Variants in MEGF11 observed in about 807,000 individuals in gnomAD.
MEGF11 encodes the protein multiple EGF like domains 11.
In MEGF11, 126 loss-of-function variants were observed where a neutral mutation model predicts 146.6. The observed-to-expected ratio is 0.86, with a 90% CI of 0.74 to 1.00. The LOEUF is 1.00. Ranked by LOEUF, MEGF11 falls within the 50% of genes least tolerant of loss-of-function variation. The pLI, the probability that MEGF11 is intolerant of heterozygous loss-of-function variation, is 0.00. For missense variants in MEGF11, 1,509 were observed against 1,521.2 expected (o/e 0.99, Z 0.13); for synonymous variants, 532 against 583.4 (o/e 0.91, Z 1.27).
chr15:65,982,447 A>G lies in MEGF11; in HGVS notation c.436T>C (p.Cys146Arg). ...DHWGPHCSNR[C>R]QCQNGALCNP... ...CACAGGGCGCCGTTCTGGCACTGGC[A>G]CCGGTTGCTGCAGTGGGGCCCCCAG... is the stretch of plus-strand genomic sequence containing the variant. The change falls in exon 6 of 26, where the codon TGC (cysteine) becomes CGC (arginine). Residue 146 changes from cysteine (C) to arginine (R), a missense_variant. By Grantham distance (180) the Cys-to-Arg change is radical. Coordinates refer to ENST00000395614, the MANE Select transcript of MEGF11 (RefSeq NM_001385028.1). This position sits in a 1 kb window ranked among gnomAD's most constrained non-coding sequence, Gnocchi z 5.6. The G allele has an allele frequency of 6.7e-7, 1 of 1,493,642 alleles. No homozygotes were observed. The highest frequency in any genetic ancestry group is 8.9e-7 in the Non-Finnish European group (1 of 1,119,714). The allele number at this position is 1,493,642 out of a possible 1,614,324, so 92.5% of individuals were successfully genotyped here.
At chr15:65,973,054 T>G (rs2081344203) in intron 7 of MEGF11, among the ~76,000 whole-genome samples, 1 of 149,148 alleles carries the variant, frequency 6.7e-6, no homozygotes, top group African/African-American at 2.5e-5. Context: ...GAGGTGGAGG[T>G]TGCAGTGAGC....
At chr15:66,224,825 G>C (rs1188857257) in intron 1 of MEGF11, among the ~76,000 whole-genome samples, 1 of 150,976 alleles carries the variant, frequency 6.6e-6, no homozygotes, top group East Asian at 1.9e-4. Flanking sequence ...TCCCCAGATG[G>C]GGGAGTGAAT....
intron 13 of MEGF11, 88 bp downstream of exon 13, chr15:65,928,337 T>G: frequency 2.7e-6 from 2 of 737,952 alleles, no homozygotes; most frequent in Admixed American, 2.6e-5. Flanking sequence ...AGAAGAGAGG[T>G]ATTGAAGAAG....
In MEGF11 at chr15:66,053,054, GGATGGATA is replaced by G. The variant is rs1310673819; in HGVS notation, c.394+41340_394+41347del. Among the ~76,000 whole-genome samples the G allele has an allele frequency of 7.2e-5, 11 of 152,284 alleles. No individual in the cohort carries two copies. The South Asian group carries it at 1.0e-3, about 14-fold the overall frequency. ...TGAATGGACAAGTGGACAGGTACAT[GGATGGATA>G]GATGGATGGATGCATGAGTGGCAGG... On this transcript the variant is annotated intron_variant, in intron 5 of 25. Coordinates refer to ENST00000395614, the MANE Select transcript of MEGF11 (RefSeq NM_001385028.1).
chr15:65,979,232 C>T (rs915370435), intron 7 of MEGF11, among the ~76,000 whole-genome samples: 2 of 152,106 alleles, frequency 1.3e-5, no homozygotes, highest in South Asian at 2.1e-4. Context: ...TCCCCCAGTC[C>T]CAGGAGGTCA....
chr15:66,241,332 G>A (rs527538289), intron 1 of MEGF11, among the ~76,000 whole-genome samples: 2 of 152,302 alleles, frequency 1.3e-5, no homozygotes, highest in South Asian at 4.1e-4. Context: ...TACCCTCCCG[G>A]TTCTGGGAGA....
chr15:66,248,138 C>A (rs985945269), intron 1 of MEGF11, among the ~76,000 whole-genome samples: 1 of 152,288 alleles, frequency 6.6e-6, no homozygotes, highest in Admixed American at 6.5e-5. Context: ...TCCCTCCTGC[C>A]TTTTCTGCCT....
chr15:66,188,106 A>G (rs1432637953), intron 1 of MEGF11, among the ~76,000 whole-genome samples: 2 of 149,206 alleles, frequency 1.3e-5, no homozygotes, highest in Admixed American at 6.8e-5. Flanking sequence ...GCCTCTATGC[A>G]CTAATGTAGT....
At chr15:65,932,008 A>G (rs2079595832) in intron 10 of MEGF11, among the ~76,000 whole-genome samples, 1 of 152,174 alleles carries the variant, frequency 6.6e-6, no homozygotes, top group South Asian at 2.1e-4. Flanking sequence ...CGGGGATCCT[A>G]AACTGGCTAC....
chr15:66,056,781 C>T (rs1376120482), intron 5 of MEGF11, among the ~76,000 whole-genome samples: 4 of 152,158 alleles, frequency 2.6e-5, no homozygotes, highest in Non-Finnish European at 1.5e-5. Flanking sequence ...GACCTTGGGC[C>T]TCAGTTTCCC....
At chr15:66,221,583 G>A (rs1381600480) in intron 1 of MEGF11, among the ~76,000 whole-genome samples, 2 of 151,888 alleles carry the variant, frequency 1.3e-5, no homozygotes, top group African/African-American at 2.4e-5. Context: ...AGAAGGCAGA[G>A]AGAAGTGGGG....
chr15:66,091,125 A>T (rs925795455), intron 5 of MEGF11, among the ~76,000 whole-genome samples: 9 of 152,262 alleles, frequency 5.9e-5, no homozygotes, highest in Non-Finnish European at 1.2e-4. Flanking sequence ...AGGGTGTCAC[A>T]CATATAGACC....
At chr15:65,914,707 A>G (rs2078933416) in intron 19 of MEGF11, among the ~76,000 whole-genome samples, 1 of 152,192 alleles carries the variant, frequency 6.6e-6, no homozygotes, top group African/African-American at 2.4e-5. Flanking sequence ...AGGGAGGTAA[A>G]TGTGCTGCAA....
At chr15:65,977,037 C>T (rs1018416484) in intron 7 of MEGF11, among the ~76,000 whole-genome samples, 8 of 151,856 alleles carry the variant, frequency 5.3e-5, no homozygotes, top group Non-Finnish European at 8.8e-5. Flanking sequence ...GGCGTGATGG[C>T]GGGTGCCTGT....
At chr15:65,938,275 C>A (rs939442713) in intron 10 of MEGF11, among the ~76,000 whole-genome samples, 2 of 152,234 alleles carry the variant, frequency 1.3e-5, no homozygotes, top group African/African-American at 4.8e-5. Context: ...GATCACACAG[C>A]CAATGCAAGG....
chr15:66,187,653 A>G (rs1314028661), intron 1 of MEGF11, among the ~76,000 whole-genome samples: 1 of 150,970 alleles, frequency 6.6e-6, no homozygotes, highest in Non-Finnish European at 1.5e-5. Context: ...CTCATCCACA[A>G]CCCTCGGAGG....
chr15:66,225,142 C>T (rs2140177361), intron 1 of MEGF11, among the ~76,000 whole-genome samples: 1 of 152,366 alleles, frequency 6.6e-6, no homozygotes, highest in Admixed American at 6.5e-5. Context: ...CATCTGCTCT[C>T]CCAGCCAAGG....
chr15:65,965,596 C>CTTT (rs1567180017), intron 8 of MEGF11, among the ~76,000 whole-genome samples: 7 of 14,632 alleles, frequency 4.8e-4, no homozygotes, highest in Non-Finnish European at 7.6e-4. Flanking sequence ...TTCTTTCTTT[C>CTTT]TTTCTTTTTT....
At chr15:66,233,956 T>TC (rs2092031508) in intron 1 of MEGF11, among the ~76,000 whole-genome samples, 1 of 148,988 alleles carries the variant, frequency 6.7e-6, no homozygotes. Flanking sequence ...TTTTTCTTTT[T>TC]TTTTTTTTTT....
Sources: gnomAD v4.1 joint callset for allele counts (sites outside exome capture counted in the v4.1 genomes callset) on GRCh38, gnomAD v4.1.1 for gene constraint, Gnocchi (gnomAD v3.1) non-coding constraint, MANE v1.5 for transcripts, NCBI Gene and HGNC (gene_info 2026-07-23, HGNC 2026-07-21) for gene names.